The following CCDC57 variants were observed in gnomAD, a reference collection of about 807,000 sequenced individuals.
The protein encoded by CCDC57 is coiled-coil domain containing 57.
A neutral mutation model predicts 118.9 loss-of-function variants in CCDC57; 118 were observed. The ratio of observed to expected loss-of-function variants is 0.99; its 90% CI spans 0.86 to 1.16. The LOEUF is 1.16. Among genes scored for constraint, CCDC57 ranks in the 50% most tolerant of loss-of-function variants. The pLI is 0.00. For missense variants in CCDC57, 1,300 were observed against 1,320.7 expected, an observed-to-expected ratio of 0.98 and a Z score of 0.24; for synonymous variants, 527 against 532.9, an observed-to-expected ratio of 0.99 and a Z score of 0.15.
chr17:82,104,130 C>T lies in CCDC57; in HGVS notation c.2900-2264G>A, dbSNP rs541239119. ...ACCTGATGCTAATCTGAGGTCAACC[C>T]AGTAACTGGTGTGTAAAAACGCTCT... On this transcript the variant is annotated intron_variant, in intron 19 of 19. Coordinates refer to ENST00000665763, the Ensembl canonical transcript of CCDC57. Among the ~76,000 whole-genome samples the T allele has an allele frequency of 4.3e-4, 66 of 152,340 alleles. 1 individual carries two copies. The highest frequency in any genetic ancestry group is 1.5e-3 in the African/African-American group (62 of 41,582).
chr17:82,196,928 CAG>C (rs1245505327), intron 4 of CCDC57, among the ~76,000 whole-genome samples: 1 of 149,644 alleles, frequency 6.7e-6, no homozygotes, highest in Non-Finnish European at 1.5e-5. Flanking sequence ...CCTGCACCTG[CAG>C]AGACGCAGCC....
At chr17:82,170,042 G>A (rs2044488597) in intron 13 of CCDC57, among the ~76,000 whole-genome samples, 1 of 152,216 alleles carries the variant, frequency 6.6e-6, no homozygotes, top group East Asian at 1.9e-4. Context: ...ATGGCCTGGA[G>A]CTCCAAAAGA....
intron 7 of CCDC57, among the ~76,000 whole-genome samples, chr17:82,188,972 ATAT>A (rs1194266609): frequency 6.6e-6 from 1 of 152,242 alleles, no homozygotes; most frequent in Non-Finnish European, 1.5e-5. Flanking sequence ...TACTTTAAAA[ATAT>A]TATGTTAGCA....
chr17:82,178,018 G>A (rs943956852), intron 11 of CCDC57, among the ~76,000 whole-genome samples: 14 of 152,214 alleles, frequency 9.2e-5, no homozygotes, highest in Non-Finnish European at 1.2e-4. Context: ...GTGTCCCCAT[G>A]TCTCAGCGGA....
chr17:82,112,415 G>A (rs1383634706), intron 19 of CCDC57: 1 of 152,294 alleles, frequency 6.6e-6, no homozygotes, highest in Admixed American at 6.5e-5. Context: ...CATCCCCCTG[G>A]CTGGAGCTTC....
intron 19 of CCDC57, among the ~76,000 whole-genome samples, chr17:82,103,835 G>T (rs530665263): frequency 2.0e-5 from 3 of 148,760 alleles, no homozygotes; most frequent in Non-Finnish European, 4.4e-5. Flanking sequence ...GGGCAGGGAG[G>T]GGCAGGGAGG....
At chr17:82,152,243 C>A (rs548919980) in intron 15 of CCDC57, 1 of 171,288 alleles carries the variant, frequency 5.8e-6, no homozygotes, top group African/African-American at 2.4e-5. Flanking sequence ...TAGCAGTGCC[C>A]AGGACCCAGG....
intron 4 of CCDC57, among the ~76,000 whole-genome samples, chr17:82,196,460 A>T (rs553319987): frequency 6.6e-6 from 1 of 152,306 alleles, no homozygotes; most frequent in African/African-American, 2.4e-5. Flanking sequence ...ACTTCCGGGG[A>T]CAACTGGACA....
chr17:82,206,027 G>A (rs1227068091), intron 2 of CCDC57, among the ~76,000 whole-genome samples: 2 of 151,930 alleles, frequency 1.3e-5, no homozygotes, highest in Non-Finnish European at 2.9e-5. Context: ...TCTGCCTGTC[G>A]GCCAGCAGGC....
intron 19 of CCDC57, among the ~76,000 whole-genome samples, chr17:82,109,801 G>A (rs965621024): frequency 2.0e-5 from 3 of 151,664 alleles, no homozygotes; most frequent in African/African-American, 7.3e-5. Context: ...AGCTTGCAGT[G>A]AGCTGAGATC....
chr17:82,135,889 C>T (rs2039087530), intron 16 of CCDC57, among the ~76,000 whole-genome samples: 1 of 151,854 alleles, frequency 6.6e-6, no homozygotes, highest in African/African-American at 2.4e-5. Context: ...TGAGATCCCA[C>T]CTCTATTTTT....
chr17:82,182,422 C>T (rs12944550), intron 9 of CCDC57, among the ~76,000 whole-genome samples: 67,258 of 151,154 alleles, frequency 0.44, 15,932 homozygotes, highest in East Asian at 0.88. Context: ...AGCACCATCT[C>T]GGCTCACTGC....
At chr17:82,106,344 C>G (rs1190738559) in intron 19 of CCDC57, 1 of 152,430 alleles carries the variant, frequency 6.6e-6, no homozygotes, top group East Asian at 1.9e-4. Context: ...CATGGCCTTC[C>G]TCCTGGGCCG....
intron 16 of CCDC57, among the ~76,000 whole-genome samples, chr17:82,141,055 G>A (rs1443673756): frequency 6.6e-6 from 1 of 151,880 alleles, no homozygotes; most frequent in Non-Finnish European, 1.5e-5. Flanking sequence ...CTGTCACCCA[G>A]GCTGGAGTGC....
intron 19 of CCDC57, among the ~76,000 whole-genome samples, chr17:82,117,637 G>T (rs1255849499): frequency 6.6e-6 from 1 of 152,002 alleles, no homozygotes; most frequent in Non-Finnish European, 1.5e-5. Flanking sequence ...CCTGGGCGAC[G>T]GAGTGAGACT....
chr17:82,171,217 G>C, intron 13 of CCDC57, among the ~76,000 whole-genome samples: 1 of 140,026 alleles, frequency 7.1e-6, no homozygotes. Context: ...CTGCAGTGAG[G>C]AGCCAGGGCA....
intron 7 of CCDC57, among the ~76,000 whole-genome samples, chr17:82,191,038 C>T (rs774564629): frequency 6.6e-6 from 1 of 151,688 alleles, no homozygotes. Context: ...GTCTAGATGT[C>T]GTGCCTGACT....
intron 3 of CCDC57, among the ~76,000 whole-genome samples, chr17:82,200,920 C>T (rs781290161): frequency 2.0e-5 from 3 of 152,202 alleles, no homozygotes; most frequent in African/African-American, 4.8e-5. Flanking sequence ...TCTGTACACA[C>T]GCATCACACA....
At chr17:82,163,178 C>T (rs1462009030) in intron 14 of CCDC57, 22 bp downstream of exon 13, 2 of 1,610,868 alleles carry the variant, frequency 1.2e-6, no homozygotes, top group East Asian at 2.2e-5. Flanking sequence ...GGAGGATGAC[C>T]CCACAAACTT....
Sources: gnomAD v4.1 joint callset for allele counts (sites outside exome capture counted in the v4.1 genomes callset) on GRCh38, gnomAD v4.1.1 for gene constraint, MANE v1.5 for transcripts, NCBI Gene and HGNC (gene_info 2026-07-23, HGNC 2026-07-21) for gene names.